The following DNAH1 variants were observed in gnomAD, a reference collection of about 807,000 sequenced individuals.
DNAH1 encodes dynein axonemal heavy chain 1.
Under a neutral mutation model 484.3 loss-of-function variants are expected in DNAH1, and 327 were observed. The ratio of observed to expected loss-of-function variants is 0.68; its 90% CI spans 0.62 to 0.74. The LOEUF (loss-of-function observed/expected upper bound fraction) is 0.74, where lower values mean the gene tolerates loss of function less well. Ranked by LOEUF, DNAH1 falls within the 30% of genes least tolerant of loss-of-function variation. DNAH1 has a pLI of 0.00. For missense variants in DNAH1, 5,052 were observed against 5,546.8 expected, an observed-to-expected ratio of 0.91 and a Z score of 2.83; for synonymous variants, 2,192 against 2,191.9, an observed-to-expected ratio of 1.00 and a Z score of 0.00.
intron 8 of DNAH1, 144 bp from the exon 9 acceptor site, chr3:52,344,346 G>A: frequency 1.0e-6 from 1 of 974,154 alleles, no homozygotes; most frequent in Non-Finnish European, 1.5e-6. Flanking sequence ...GTGGCTCAGG[G>A]CCGGGTGGGG....
chr3:52,383,674 C>A (rs1188026754), intron 51 of DNAH1, 80 bp downstream of exon 51: 2 of 1,445,944 alleles, frequency 1.4e-6, no homozygotes, highest in Non-Finnish European at 1.8e-6. Context: ...ACACTGGATG[C>A]CATGCGCTGG....
In DNAH1 at chr3:52,393,440, C is replaced by T; in HGVS notation, c.10581C>T (p.Phe3527=). ...LFEKHKLMFA[F]LLCVRIMMNE... ...AGAAGCACAAGCTGATGTTTGCCTT[C>T]CTGCTGTGTGTTCGCATCATGATGA... Residue 3527 remains phenylalanine (F), a synonymous_variant, in exon 66 of 78, where the codon TTC becomes TTT. Transcript: ENST00000420323. The T allele has an allele frequency of 1.2e-6, 2 of 1,614,050 alleles. No homozygotes were observed. Among genetic ancestry groups the T allele is most frequent in the African/African-American group, 1.3e-5 (1 of 75,056 alleles).
At chr3:52,365,065 A>T in intron 34 of DNAH1, 46 bp downstream of exon 34, 1 of 1,572,488 alleles carries the variant, frequency 6.4e-7, no homozygotes, top group East Asian at 2.3e-5. Context: ...GGCCATGGCC[A>T]CCTTGGAGTC....
At chr3:52,320,773 G>A (rs1701116607) in intron 1 of DNAH1, among the ~76,000 whole-genome samples, 1 of 150,556 alleles carries the variant, frequency 6.6e-6, no homozygotes, top group Non-Finnish European at 1.5e-5. Flanking sequence ...CTTTCATTAA[G>A]ATGCTTTCCT....
Position 52,373,986 on chromosome 3 carries a change from G to C in DNAH1, c.6985+933G>C, listed in dbSNP as rs1703471176. ...ACACTTATTTATGAATTTTTCTTAA[G>C]ATTTTTAGAGTCTGCAGATTTCCAA... On this transcript the variant is annotated intron_variant, in intron 44 of 77. Transcript: ENST00000420323. 3.8e-5 allele frequency: 43 copies of C among 1,135,662 alleles called. 1 individual carries two copies. The South Asian group carries it at 4.3e-4, about 11-fold the overall frequency. The allele number at this position is 1,135,662 out of a possible 1,614,324, so 70.3% of individuals were successfully genotyped here. A position where few individuals can be genotyped will look rare whatever the true frequency, so the allele number is the denominator to read the frequency against.
chr3:52,382,246 G>A, intron 49 of DNAH1, 74 bp from the exon 50 acceptor site: 1 of 1,610,592 alleles, frequency 6.2e-7, no homozygotes, highest in Non-Finnish European at 8.5e-7. Context: ...TCAGGGTAGG[G>A]TGTGGTCACC....
In DNAH1 at chr3:52,385,357, T is replaced by C; in HGVS notation, c.8535T>C (p.Asp2845=). The C allele has an allele frequency of 6.4e-7, 1 of 1,552,490 alleles. No homozygotes were observed. Among genetic ancestry groups the C allele is most frequent in the Non-Finnish European group, 8.7e-7 (1 of 1,147,404 alleles). ...GLDKLLRTSE[D]VAKMQEDLES... ...CCTAGCTGCTGCGCACTTCTGAGGA[T>C]GTAGCCAAGATGCAGGAGGACCTGG... Residue 2845 remains aspartate, a synonymous_variant, in exon 54 of 78, where the codon GAT becomes GAC. Coordinates refer to ENST00000420323, the MANE Select transcript of DNAH1 (RefSeq NM_015512.5).
At position 52,355,976 on chromosome 3, in the gene DNAH1, C is replaced by A. The variant is rs995784180; in HGVS notation, c.3694-638C>A. On this transcript the variant is annotated intron_variant, in intron 21 of 77. Coordinates refer to ENST00000420323, the MANE Select transcript of DNAH1 (RefSeq NM_015512.5). The surrounding 1 kb of genome is among the most constrained non-coding windows in gnomAD (Gnocchi z 4.5). ...TCGAGGGAAGGGACCAGGCCGCATT[C>A]CCCTGTTTCCCCTAGTGCCTCCCAG... is the stretch of plus-strand genomic sequence containing the variant. 6.6e-6 allele frequency among the ~76,000 whole-genome samples: 1 copy of A among 152,246 alleles called. No individual in the cohort carries two copies. The highest frequency in any genetic ancestry group is 2.4e-5 in the African/African-American group (1 of 41,468).
chr3:52,347,972 A>G lies in DNAH1; in HGVS notation c.2104A>G (p.Lys702Glu), dbSNP rs754431164. 2 of 1,607,518 alleles carry G rather than the reference A, an allele frequency of 1.2e-6. No homozygotes were observed. Among genetic ancestry groups the G allele is most frequent in the South Asian group, 1.1e-5 (1 of 89,642 alleles). The stretch of plus-strand genomic sequence containing the variant: ...CACCCATGCCGTGCCCCAGCTGGAG[A>G]AGGTACGTGCTGCAGCCTGAGCAGG... Reference protein sequence around the residue: ...LATHAVPQLEKLVMEDIFISG... With the variant: ...LATHAVPQLEELVMEDIFISG... Residue 702 changes from lysine (K) to glutamate (E), a missense_variant and splice_region_variant, in exon 12 of 78, where the codon AAG (lysine) becomes GAG (glutamate). By Grantham distance (56) the Lys-to-Glu change is moderately conservative. This residue lies in a region of DNAH1 where 1,263 missense variants were observed against 1,218.8 expected (regional missense o/e 1.04). Transcript: ENST00000420323.
In DNAH1 at chr3:52,353,138, AC is replaced by A; in HGVS notation, c.3066del (p.Tyr1023ThrfsTer19). 1 of 1,613,316 alleles carries A rather than the reference AC, an allele frequency of 6.2e-7. No individual in the cohort carries two copies. The highest frequency in any genetic ancestry group is 8.5e-7 in the Non-Finnish European group (1 of 1,179,572). ...KLSRMVKEFQPYLDLWTTASD... is the reference protein window; with the variant it reads ...KLSRMVKEFQXYLDLWTTASD... ...TCTCCAGGATGGTGAAGGAGTTCCA[AC>A]CCTACCTGGACCTTTGGACCACAGC... On this transcript the variant is annotated frameshift_variant, in exon 19 of 78. Coordinates refer to ENST00000420323, the MANE Select transcript of DNAH1 (RefSeq NM_015512.5). LOFTEE classifies it high-confidence loss of function. The surrounding 1 kb of genome is among the most constrained non-coding windows in gnomAD (Gnocchi z 5.0).
chr3:52,322,325 CA>C (rs1180934771), intron 1 of DNAH1, 83 bp from the exon 2 acceptor site: 14 of 914,476 alleles, frequency 1.5e-5, no homozygotes, highest in Non-Finnish European at 2.3e-5. Flanking sequence ...GGGCTTGTGG[CA>C]GGCAGGCAAT....
At chr3:52,339,804 C>CTGTGTGTGTGTG (rs59262545) in intron 8 of DNAH1, among the ~76,000 whole-genome samples, 1 of 146,540 alleles carries the variant, frequency 6.8e-6, no homozygotes, top group South Asian at 2.2e-4. Flanking sequence ...GTGTGTGTGT[C>CTGTGTGTGTGTG]TGTGTGTGTG....
chr3:52,321,948 G>A (rs1287343208), intron 1 of DNAH1, among the ~76,000 whole-genome samples: 3 of 152,178 alleles, frequency 2.0e-5, no homozygotes, highest in Admixed American at 6.5e-5. Flanking sequence ...GAAAAGGTAG[G>A]GAAGTCTAGC....
Position 52,351,949 on chromosome 3 carries a change from C to G in DNAH1, c.2730-13C>G, listed in dbSNP as rs751260392. On this transcript the variant is annotated splice_polypyrimidine_tract_variant and intron_variant, in intron 16 of 77. Coordinates refer to ENST00000420323, the MANE Select transcript of DNAH1 (RefSeq NM_015512.5). ...GCGATATTTCTCCCAATCCCCACCC[C>G]CATCCCGGCCAGATGGATTGCCAGC... The G allele has an allele frequency of 3.1e-6, 5 of 1,597,086 alleles. No homozygotes were observed. Among genetic ancestry groups the G allele is most frequent in the South Asian group, 1.1e-5 (1 of 87,582 alleles).
intron 52 of DNAH1, among the ~76,000 whole-genome samples, chr3:52,384,481 G>A (rs1428643630): frequency 6.6e-6 from 1 of 152,194 alleles, no homozygotes; most frequent in East Asian, 1.9e-4. Context: ...CAGGTCATGG[G>A]GGCTGTGAAA....
intron 14 of DNAH1, 104 bp from the exon 15 acceptor site, chr3:52,349,885 G>A: frequency 2.0e-6 from 3 of 1,464,966 alleles, no homozygotes; most frequent in South Asian, 2.7e-5. Context: ...TGGTGGAGGG[G>A]ACAGTTACCT....
chr3:52,328,783 G>A (rs1701443389), intron 6 of DNAH1, among the ~76,000 whole-genome samples: 1 of 152,244 alleles, frequency 6.6e-6, no homozygotes. Context: ...AACATCCTAG[G>A]AAGGTGTGGG....
At position 52,346,735 on chromosome 3, in the gene DNAH1, G is replaced by A. The variant is rs1702160130; in HGVS notation, c.1920G>A (p.Met640Ile). The A allele has an allele frequency of 6.2e-7, 1 of 1,609,268 alleles. No homozygotes were observed. The highest frequency in any genetic ancestry group is 8.5e-7 in the Non-Finnish European group (1 of 1,175,896). ...CCSVLNCTDD[M>I]VWGDDLINSP... Reference sequence around the variant, plus strand: ...GCGTGCTCAACTGCACCGATGACATGGTCTGGGGTGACGACTTAATTAACA... The same window carrying A: ...GCGTGCTCAACTGCACCGATGACATAGTCTGGGGTGACGACTTAATTAACA... The change falls in exon 11 of 78, where the codon ATG becomes ATA. Residue 640 changes from methionine (M) to isoleucine (I), a missense_variant. This residue lies in a region of DNAH1 where 1,263 missense variants were observed against 1,218.8 expected (regional missense o/e 1.04). Transcript: ENST00000420323.
At position 52,388,492 on chromosome 3, in the gene DNAH1, T is replaced by C; in HGVS notation, c.9246T>C (p.Arg3082=). The C allele has an allele frequency of 6.2e-7, 1 of 1,612,742 alleles. No individual in the cohort carries two copies. Among genetic ancestry groups the C allele is most frequent in the Non-Finnish European group, 8.5e-7 (1 of 1,179,450 alleles). Residue 3082 remains arginine (R), a synonymous_variant, in exon 58 of 78, where the codon CGT becomes CGC. Coordinates refer to ENST00000420323, the MANE Select transcript of DNAH1 (RefSeq NM_015512.5). ...RILDEAKQRL[R]EVEDGIATMQ... is the part of the protein sequence containing the mutation. ...TGGATGAGGCAAAACAGCGCCTTCGTGAGGTGGAGGACGGCATCGCCACAA... is the reference window on the plus strand; with the variant it reads ...TGGATGAGGCAAAACAGCGCCTTCGCGAGGTGGAGGACGGCATCGCCACAA...
Sources: gnomAD v4.1 joint callset for allele counts (sites outside exome capture counted in the v4.1 genomes callset) on GRCh38, gnomAD v4.1.1 for gene constraint, gnomAD v4.1.1 regional missense constraint, Gnocchi (gnomAD v3.1) non-coding constraint, MANE v1.5 for transcripts, NCBI Gene and HGNC (gene_info 2026-07-23, HGNC 2026-07-21) for gene names.